Variants in FGL1 observed in about 807,000 individuals in gnomAD.
FGL1 encodes the protein fibrinogen like 1.
FGL1 carries 59 observed loss-of-function variants against 43.7 expected under a neutral mutation model. That is an observed-to-expected ratio of 1.35 (90% confidence interval 1.10 to 1.68). The LOEUF (loss-of-function observed/expected upper bound fraction) is 1.68. FGL1 is among the 40% of genes most tolerant of loss of function. FGL1 has a pLI of 0.00. For missense variants in FGL1, 596 were observed against 373.0 expected (o/e 1.60, Z -4.92); for synonymous variants, 192 against 126.5 (o/e 1.52, Z -3.48).
In FGL1 at chr8:17,894,059, AATTT is replaced by A. The variant is rs1038230537; in HGVS notation, c.-18+1384_-18+1387del. Among the ~76,000 whole-genome samples, 11 of 146,902 alleles carry A rather than the reference AATTT, an allele frequency of 7.5e-5. 2 individuals are homozygous for A. The highest frequency in any genetic ancestry group is 2.7e-4 in the African/African-American group (10 of 37,442). On this transcript the variant is annotated intron_variant, in intron 1 of 7. Transcript: ENST00000427924. Reference sequence around the variant, plus strand: ...TTCCTTCCCCACTATATTTAAAAAAAATTTAATTAATTACGCTGCATTAAATTTA... The same window carrying A: ...TTCCTTCCCCACTATATTTAAAAAAAAATTAATTACGCTGCATTAAATTTA...
intron 7 of FGL1, among the ~76,000 whole-genome samples, chr8:17,866,209 G>C (rs2053267341): frequency 6.6e-6 from 1 of 152,148 alleles, no homozygotes. Context: ...GCATCGTTTA[G>C]TTTTTAGAAC....
At chr8:17,870,345 C>G (rs1392353253) in intron 5 of FGL1, among the ~76,000 whole-genome samples, 1 of 151,934 alleles carries the variant, frequency 6.6e-6, no homozygotes, top group Non-Finnish European at 1.5e-5. Context: ...AAGACTATTC[C>G]TTTTTCAGAA....
intron 1 of FGL1, among the ~76,000 whole-genome samples, chr8:17,890,989 A>C (rs930496698): frequency 1.3e-5 from 2 of 152,178 alleles, no homozygotes; most frequent in African/African-American, 4.8e-5. Flanking sequence ...CATCACCCAC[A>C]CACTTCATAT....
intron 7 of FGL1, among the ~76,000 whole-genome samples, chr8:17,866,945 A>G (rs1012787898): frequency 2.0e-5 from 3 of 152,228 alleles, no homozygotes; most frequent in East Asian, 3.8e-4. Context: ...CAGGAAAACC[A>G]CTAAGGAAAA....
chr8:17,885,809 C>A (rs1021708974), intron 1 of FGL1: 1 of 456,332 alleles, frequency 2.2e-6, no homozygotes, highest in Middle Eastern at 6.0e-4. Context: ...TGGTTCTTTT[C>A]GCTATCCTAA....
chr8:17,868,696 C>G lies in FGL1; in HGVS notation c.631G>C (p.Ala211Pro). Residue 211 changes from alanine (A) to proline (P), a missense_variant, in exon 7 of 8, where the codon GCT becomes CCT. Ala to Pro is a conservative substitution (Grantham distance 27, BLOSUM62 -1). Transcript: ENST00000427924. ...AAATTCCCCGCAAGGGAATCTCCAG[C>G]TGTTCCAGAATATTCCCCAATATTC... ...ELNIGEYSGT[A>P]GDSLAGNFHP... 1 of 1,613,692 alleles carries G rather than the reference C, an allele frequency of 6.2e-7. No homozygotes were observed. The highest frequency in any genetic ancestry group is 8.5e-7 in the Non-Finnish European group (1 of 1,179,886).
At chr8:17,874,262 TTCTG>T (rs2053409463) in intron 4 of FGL1, 96 bp downstream of exon 4, 2 of 1,395,350 alleles carry the variant, frequency 1.4e-6, no homozygotes, top group African/African-American at 1.5e-5. Flanking sequence ...GAGATTGAAA[TTCTG>T]TCTAATTAAT....
intron 3 of FGL1, among the ~76,000 whole-genome samples, chr8:17,876,994 T>G (rs573107696): frequency 6.6e-6 from 1 of 152,112 alleles, no homozygotes; most frequent in African/African-American, 2.4e-5. Context: ...AACAAATAAA[T>G]AAACATTAAA....
At chr8:17,877,371 C>T (rs1214256891) in intron 3 of FGL1, among the ~76,000 whole-genome samples, 3 of 152,108 alleles carry the variant, frequency 2.0e-5, no homozygotes, top group African/African-American at 7.2e-5. Context: ...AGAAAGTAAG[C>T]CATGTTGGAA....
In FGL1 at chr8:17,864,525, G is replaced by T; in HGVS notation, c.*67C>A. ...TCATGATTGCGCATGGATATGTTCA[G>T]AATGAGTATTTTTCAAATCACTTTA... On this transcript the variant is annotated 3_prime_UTR_variant, in exon 8 of 8. Transcript: ENST00000427924. 6.6e-7 allele frequency: 1 copy of T among 1,505,732 alleles called. No individual in the cohort carries two copies. The highest frequency in any genetic ancestry group is 9.0e-7 in the Non-Finnish European group (1 of 1,114,748). 93.3% of individuals were successfully genotyped at this position (1,505,732 alleles called of 1,614,324 possible). A position where few individuals can be genotyped will look rare whatever the true frequency, so the allele number is the denominator to read the frequency against.
At chr8:17,878,781 A>C (rs1329343881) in intron 3 of FGL1, among the ~76,000 whole-genome samples, 2 of 152,122 alleles carry the variant, frequency 1.3e-5, no homozygotes, top group Non-Finnish European at 2.9e-5. Context: ...CTTGTAAATA[A>C]GAAGAAAAGA....
intron 1 of FGL1, among the ~76,000 whole-genome samples, chr8:17,886,080 T>A (rs1245463393): frequency 6.6e-6 from 1 of 152,216 alleles, no homozygotes; most frequent in African/African-American, 2.4e-5. Context: ...AGGTCACACC[T>A]TGCTAATTTT....
intron 3 of FGL1, among the ~76,000 whole-genome samples, chr8:17,878,546 T>G (rs2053490341): frequency 6.6e-6 from 1 of 152,150 alleles, no homozygotes. Context: ...GCCAGATTTT[T>G]GTTCTTGCCA....
intron 1 of FGL1, among the ~76,000 whole-genome samples, chr8:17,888,585 G>C (rs989542821): frequency 7.2e-5 from 11 of 152,244 alleles, no homozygotes; most frequent in African/African-American, 2.4e-4. Flanking sequence ...TTCCGATCCT[G>C]GGGGTAGTTT....
At chr8:17,891,566 A>T (rs565910103) in intron 1 of FGL1, 1 of 448,230 alleles carries the variant, frequency 2.2e-6, no homozygotes, top group Non-Finnish European at 2.9e-6. Context: ...TGCAAATGAG[A>T]TCACATTCAC....
At chr8:17,885,709 C>G in intron 1 of FGL1, 138 bp from the exon 2 acceptor site, 1 of 623,588 alleles carries the variant, frequency 1.6e-6, no homozygotes, top group Non-Finnish European at 2.8e-6. Context: ...GGAAATTCTC[C>G]CAGACTTTCC....
chr8:17,886,872 A>C (rs892104753), intron 1 of FGL1, among the ~76,000 whole-genome samples: 1 of 152,076 alleles, frequency 6.6e-6, no homozygotes, highest in Admixed American at 6.5e-5. Context: ...AAGCGAGAGA[A>C]GTCACAGTGT....
chr8:17,882,461 T>C (rs2053551814), intron 2 of FGL1: 1 of 244,800 alleles, frequency 4.1e-6, no homozygotes, highest in Non-Finnish European at 7.9e-6. Context: ...TTGATCCTCA[T>C]AACAATTCCA....
intron 3 of FGL1, among the ~76,000 whole-genome samples, chr8:17,877,430 CT>C: frequency 6.6e-6 from 1 of 152,206 alleles, no homozygotes; most frequent in East Asian, 1.9e-4. Flanking sequence ...GCCAAATGGG[CT>C]TTTTCCTCTT....
Sources: allele counts gnomAD v4.1 joint callset (sites outside exome capture counted in the v4.1 genomes callset), GRCh38; gene constraint gnomAD v4.1.1; transcripts MANE v1.5; gene names NCBI Gene and HGNC (gene_info 2026-07-23, HGNC 2026-07-21).